CAMTA1: variants seen among roughly 807,000 people sequenced by gnomAD.
CAMTA1 encodes the protein calmodulin-binding transcription activator 1.
Under a neutral mutation model 170.9 loss-of-function variants are expected in CAMTA1, and 27 were observed. The ratio of observed to expected loss-of-function variants is 0.16; its 90% CI spans 0.12 to 0.22. The LOEUF (loss-of-function observed/expected upper bound fraction) is 0.22. Among genes scored for constraint, CAMTA1 ranks in the 10% least tolerant of loss-of-function variants. The pLI, the probability that CAMTA1 is intolerant of heterozygous loss-of-function variation, is 1.00. For missense variants in CAMTA1, 1,619 were observed against 2,217.2 expected (o/e 0.73, Z 5.42); for synonymous variants, 833 against 891.5 (o/e 0.93, Z 1.17).
intron 4 of CAMTA1, among the ~76,000 whole-genome samples, chr1:7,151,114 C>T (rs183955242): frequency 3.9e-5 from 6 of 152,350 alleles, no homozygotes; most frequent in African/African-American, 1.4e-4. Context: ...ATTTGGTTCA[C>T]TAAGTAGCAC....
intron 3 of CAMTA1, among the ~76,000 whole-genome samples, chr1:6,995,532 G>A (rs978159780): frequency 1.3e-5 from 2 of 151,940 alleles, no homozygotes; most frequent in African/African-American, 4.8e-5. Context: ...TCAATCTCTT[G>A]ACCTCGTGAT....
intron 5 of CAMTA1, among the ~76,000 whole-genome samples, chr1:7,399,864 A>T (rs1240991776): frequency 1.3e-5 from 2 of 152,164 alleles, no homozygotes; most frequent in African/African-American, 4.8e-5. Flanking sequence ...GGATTTTCTT[A>T]TAATGACTTC....
Position 7,140,712 on chromosome 1 carries a change from C to T in CAMTA1, c.302+49341C>T, listed in dbSNP as rs559636251. 3.9e-5 allele frequency among the ~76,000 whole-genome samples: 6 copies of T among 152,252 alleles called. No individual in the cohort carries two copies. The South Asian group carries it at 1.2e-3, about 32-fold the overall frequency. On this transcript the variant is annotated intron_variant, in intron 4 of 22. Coordinates refer to ENST00000303635, the MANE Select transcript of CAMTA1 (RefSeq NM_015215.4). ...TTAAAGGTTCCACTTGGTTAGCATG[C>T]TTGCAATGCACACTGTAACAAAGCT...
chr1:6,901,588 A>T (rs1676952667), intron 3 of CAMTA1, among the ~76,000 whole-genome samples: 1 of 152,264 alleles, frequency 6.6e-6, no homozygotes. Context: ...TAGGATACAC[A>T]GATGGCAACT....
chr1:7,132,800 TGTGA>T (rs1645339631), intron 4 of CAMTA1, among the ~76,000 whole-genome samples: 1 of 152,228 alleles, frequency 6.6e-6, no homozygotes, highest in South Asian at 2.1e-4. Flanking sequence ...AGATTTCTGC[TGTGA>T]GTTTTTTTCA....
intron 5 of CAMTA1, among the ~76,000 whole-genome samples, chr1:7,330,877 T>G (rs2082987384): frequency 1.3e-5 from 2 of 152,136 alleles, no homozygotes; most frequent in South Asian, 4.1e-4. Context: ...AGGGCTGGCC[T>G]CATAGTCACA....
chr1:7,508,007 G>A (rs1182715469), intron 6 of CAMTA1, among the ~76,000 whole-genome samples: 4 of 152,272 alleles, frequency 2.6e-5, no homozygotes, highest in Non-Finnish European at 5.9e-5. Context: ...AAGTCATGAC[G>A]ATACCAGTGG....
Position 7,036,268 on chromosome 1 carries a change from T to G in CAMTA1, c.235-55036T>G, listed in dbSNP as rs149686024. Among the ~76,000 whole-genome samples, 76 of 152,296 alleles carry G rather than the reference T, an allele frequency of 5.0e-4. 2 individuals carry two copies. The East Asian group carries it at 0.01, about 20-fold the overall frequency. On this transcript the variant is annotated intron_variant, in intron 3 of 22. Coordinates refer to ENST00000303635, the MANE Select transcript of CAMTA1 (RefSeq NM_015215.4). ...TATCCTCTATAGGTTTTGGAAAGCT[T>G]GAAGTCTTCCATAATCATCATCATC... is the stretch of plus-strand genomic sequence containing the variant.
At chr1:7,416,569 G>A (rs2091189897) in intron 5 of CAMTA1, among the ~76,000 whole-genome samples, 1 of 152,008 alleles carries the variant, frequency 6.6e-6, no homozygotes, top group Admixed American at 6.6e-5. Flanking sequence ...TGAGGCTTTT[G>A]CATTCTTCAC....
At chr1:7,365,773 G>C (rs1482154557) in intron 5 of CAMTA1, among the ~76,000 whole-genome samples, 1 of 152,218 alleles carries the variant, frequency 6.6e-6, no homozygotes, top group East Asian at 1.9e-4. Context: ...GGGATCTTGG[G>C]GCATAGGGTC....
intron 11 of CAMTA1, among the ~76,000 whole-genome samples, chr1:7,687,316 C>CAA (rs146832779): frequency 2.6e-5 from 4 of 150,982 alleles, no homozygotes; most frequent in Admixed American, 6.6e-5. Flanking sequence ...GAAGGTGTTT[C>CAA]AAAAAAAAGG....
At chr1:7,451,871 G>T (rs1478489939) in intron 5 of CAMTA1, among the ~76,000 whole-genome samples, 1 of 152,196 alleles carries the variant, frequency 6.6e-6, no homozygotes, top group Non-Finnish European at 1.5e-5. Context: ...GCTGGGCCGC[G>T]TGTGCAGACC....
chr1:7,661,503 G>A (rs1240511513), intron 7 of CAMTA1, among the ~76,000 whole-genome samples: 1 of 152,210 alleles, frequency 6.6e-6, no homozygotes, highest in East Asian at 1.9e-4. Context: ...TAGTGAGGGG[G>A]AGCTAAAGAG....
chr1:7,342,486 G>C (rs1427992655), intron 5 of CAMTA1, among the ~76,000 whole-genome samples: 1 of 152,154 alleles, frequency 6.6e-6, no homozygotes, highest in Non-Finnish European at 1.5e-5. Flanking sequence ...GTGAGACTGG[G>C]ACTGAAGCAG....
intron 4 of CAMTA1, among the ~76,000 whole-genome samples, chr1:7,116,772 C>T (rs1386606879): frequency 7.3e-5 from 11 of 151,454 alleles, no homozygotes; most frequent in African/African-American, 2.2e-4. Flanking sequence ...CTCAGCCTCC[C>T]GAGTAGCTGG....
chr1:6,893,202 A>C (rs1216933769), intron 3 of CAMTA1, among the ~76,000 whole-genome samples: 2 of 152,114 alleles, frequency 1.3e-5, no homozygotes, highest in Admixed American at 1.3e-4. Context: ...TGGAGGTTGC[A>C]GTCAGCCGAG....
intron 3 of CAMTA1, among the ~76,000 whole-genome samples, chr1:6,898,179 T>A (rs1291912234): frequency 6.6e-6 from 1 of 152,106 alleles, no homozygotes; most frequent in Non-Finnish European, 1.5e-5. Context: ...TAATGTGTCC[T>A]GATTTAGAGG....
At chr1:7,522,533 C>T (rs1256297440) in intron 6 of CAMTA1, among the ~76,000 whole-genome samples, 1 of 152,164 alleles carries the variant, frequency 6.6e-6, no homozygotes, top group Non-Finnish European at 1.5e-5. Flanking sequence ...CATTTATGGA[C>T]CATGCTTTTA....
rs975974847 is a variant in CAMTA1, at chr1:7,010,876, C to G, written c.235-80428C>G. ...GATGGGAAATGCTCTTATCAGGCAC[C>G]TGGGACCTAAGCAGGTGCCCTAACC... On this transcript the variant is annotated intron_variant, in intron 3 of 22. Transcript: ENST00000303635. This position sits in a 1 kb window ranked among gnomAD's most constrained non-coding sequence, Gnocchi z 4.4. Among the ~76,000 whole-genome samples, 1 of 152,212 alleles carries G rather than the reference C, an allele frequency of 6.6e-6. No individual in the cohort carries two copies. The highest frequency in any genetic ancestry group is 1.5e-5 in the Non-Finnish European group (1 of 68,028).
Sources: gnomAD v4.1 joint callset for allele counts (sites outside exome capture counted in the v4.1 genomes callset) on GRCh38, gnomAD v4.1.1 for gene constraint, Gnocchi (gnomAD v3.1) non-coding constraint, MANE v1.5 for transcripts, NCBI Gene and HGNC (gene_info 2026-07-23, HGNC 2026-07-21) for gene names.